EEF2KMT: variants seen among roughly 807,000 people sequenced by gnomAD.
The protein encoded by EEF2KMT is eukaryotic elongation factor 2 lysine methyltransferase.
Under a neutral mutation model 35.1 loss-of-function variants are expected in EEF2KMT, and 30 were observed. The observed-to-expected ratio is 0.85, with a 90% CI of 0.64 to 1.16. The LOEUF (loss-of-function observed/expected upper bound fraction) is 1.16, where lower values mean the gene tolerates loss of function less well. EEF2KMT is among the 50% of genes most tolerant of loss of function. The pLI, the probability that EEF2KMT is intolerant of heterozygous loss-of-function variation, is 0.00. For missense variants in EEF2KMT, 499 were observed against 438.2 expected, an observed-to-expected ratio of 1.14 and a Z score of -1.24; for synonymous variants, 190 against 187.7, an observed-to-expected ratio of 1.01 and a Z score of -0.10.
Position 5,090,629 on chromosome 16 carries a change from G to T in EEF2KMT, c.343-64C>A. On this transcript the variant is annotated intron_variant, in intron 4 of 7. Coordinates refer to ENST00000427587, the MANE Select transcript of EEF2KMT (RefSeq NM_201400.4). The surrounding 1 kb of genome is among the most constrained non-coding windows in gnomAD (Gnocchi z 4.1). ...AGAAGGCAAGTGGCTTAGAAGACAAGTAGCCCCACCACATGGCTGAATAAA... is the reference window on the plus strand; with the variant it reads ...AGAAGGCAAGTGGCTTAGAAGACAATTAGCCCCACCACATGGCTGAATAAA... 1.2e-6 allele frequency: 2 copies of T among 1,602,636 alleles called. No homozygotes were observed. The highest frequency in any genetic ancestry group is 1.7e-6 in the Non-Finnish European group (2 of 1,172,412).
At chr16:5,093,071 T>G (rs1197566879) in intron 3 of EEF2KMT, among the ~76,000 whole-genome samples, 1 of 152,164 alleles carries the variant, frequency 6.6e-6, no homozygotes, top group South Asian at 2.1e-4. Flanking sequence ...GTTCCGAAGG[T>G]ATGGCAAGAG....
intron 3 of EEF2KMT, among the ~76,000 whole-genome samples, chr16:5,092,519 G>A (rs538747951): frequency 6.6e-6 from 1 of 152,366 alleles, no homozygotes; most frequent in Admixed American, 6.5e-5. Flanking sequence ...TGCTTCTGGG[G>A]AGGACTAGGG....
intron 4 of EEF2KMT, 133 bp downstream of exon 4, chr16:5,091,661 G>A (rs1266804730): frequency 1.4e-5 from 20 of 1,449,034 alleles, no homozygotes; most frequent in Non-Finnish European, 1.8e-5. Context: ...TGAGGCTAAA[G>A]AAGGTTGACG....
At chr16:5,086,316 C>G (rs1392269670) in intron 7 of EEF2KMT, among the ~76,000 whole-genome samples, 2 of 127,508 alleles carry the variant, frequency 1.6e-5, no homozygotes, top group Admixed American at 1.8e-4. Flanking sequence ...GCCTGAGTGA[C>G]AGGGTGAGAC....
rs778726124 is a variant in EEF2KMT at position 5,097,766 on chromosome 16, G to A, written c.-27C>T. On this transcript the variant is annotated 5_prime_UTR_variant, in exon 1 of 8. Transcript: ENST00000427587. ...ACGTGGGCGGGGCCGCAGCGTTGCC[G>A]GCAGACCGGGCGGAAGCCCGGCCTG... 3.2e-6 allele frequency: 5 copies of A among 1,539,284 alleles called. No individual in the cohort carries two copies. The highest frequency in any genetic ancestry group is 3.9e-5 in the Admixed American group (2 of 51,324).
chr16:5,086,569 G>A (rs1957181426), intron 7 of EEF2KMT: 1 of 151,416 alleles, frequency 6.6e-6, no homozygotes. Flanking sequence ...CACTTCCTGA[G>A]TAGCTGGGAT....
intron 4 of EEF2KMT, 145 bp downstream of exon 4, chr16:5,091,649 A>G (rs1488679453): frequency 1.4e-6 from 2 of 1,402,256 alleles, no homozygotes; most frequent in East Asian, 2.5e-5. Context: ...AGACAGGGAA[A>G]CTGAGGCTAA....
chr16:5,096,889 C>T (rs556995567), intron 1 of EEF2KMT, among the ~76,000 whole-genome samples: 22 of 152,308 alleles, frequency 1.4e-4, no homozygotes, highest in African/African-American at 5.1e-4. Context: ...TTCTCTTGAC[C>T]AGAAATGATC....
Position 5,085,091 on chromosome 16 carries a change from C to T in EEF2KMT, c.*541G>A. ...CTTCTCTGGAGGCTTGGAAACGCTT[C>T]CTCTCTTCTTCTGTTCTTCACGCCC... is the stretch of plus-strand genomic sequence containing the variant. On this transcript the variant is annotated 3_prime_UTR_variant, in exon 8 of 8. Coordinates refer to ENST00000427587, the MANE Select transcript of EEF2KMT (RefSeq NM_201400.4). The T allele has an allele frequency of 1.2e-6, 1 of 859,690 alleles. No individual in the cohort carries two copies. The highest frequency in any genetic ancestry group is 1.8e-6 in the Non-Finnish European group (1 of 562,198). 53.3% of individuals were successfully genotyped at this position (859,690 alleles called of 1,614,324 possible).
intron 7 of EEF2KMT, among the ~76,000 whole-genome samples, chr16:5,085,986 C>A (rs947406796): frequency 9.9e-5 from 15 of 152,190 alleles, no homozygotes; most frequent in Non-Finnish European, 2.1e-4. Context: ...TCTGCCCCAG[C>A]ACTTGGCACA....
rs150027967 is a variant in EEF2KMT, at chr16:5,090,561, G to T, written c.347C>A (p.Ser116Ter). ...CTCGGAGAGTGTGACCGAGCCTCCC[G>T]AGGGCTGCACCAAGAGAAGGCGAGA... Reference protein sequence around the residue: ...TQGHRSYLLPSGGSVTLSEST... With the variant: ...TQGHRSYLLP Residue 116 changes from serine (S) to a stop codon, truncating the protein, a stop_gained, in exon 5 of 8, where the codon TCG becomes TAG. Transcript: ENST00000427587. LOFTEE classifies it high-confidence loss of function. This position sits in a 1 kb window ranked among gnomAD's most constrained non-coding sequence, Gnocchi z 4.1. 15 of 1,611,372 alleles carry T rather than the reference G, an allele frequency of 9.3e-6. No homozygotes were observed. In the African/African-American group the frequency reaches 2.0e-4, roughly 22 times the overall value.
intron 1 of EEF2KMT, chr16:5,097,252 G>C (rs1957490623): frequency 7.7e-7 from 1 of 1,298,194 alleles, no homozygotes. Flanking sequence ...CTGTGACCCG[G>C]TCACCGCGCT....
Position 5,097,757 on chromosome 16 carries a change from A to C in EEF2KMT, c.-18T>G. 1 of 1,545,046 alleles carries C rather than the reference A, an allele frequency of 6.5e-7. No individual in the cohort carries two copies. Among genetic ancestry groups the C allele is most frequent in the Non-Finnish European group, 8.7e-7 (1 of 1,151,320 alleles). On this transcript the variant is annotated 5_prime_UTR_variant, in exon 1 of 8. Coordinates refer to ENST00000427587, the MANE Select transcript of EEF2KMT (RefSeq NM_201400.4). ...GGCGCCATGACGTGGGCGGGGCCGC[A>C]GCGTTGCCGGCAGACCGGGCGGAAG...
chr16:5,086,923 C>G (rs1015376636), intron 7 of EEF2KMT: 1 of 152,190 alleles, frequency 6.6e-6, no homozygotes, highest in Non-Finnish European at 1.5e-5. Flanking sequence ...CCTCAGCCTC[C>G]CAAAGCCTCA....
In EEF2KMT at chr16:5,097,640, C is replaced by T. The variant is rs1203050233; in HGVS notation, c.96+4G>A. The T allele has an allele frequency of 6.4e-7, 1 of 1,560,778 alleles. No homozygotes were observed. Among genetic ancestry groups the T allele is most frequent in the Non-Finnish European group, 8.6e-7 (1 of 1,159,920 alleles). On this transcript the variant is annotated splice_donor_region_variant and intron_variant, in intron 1 of 7. Transcript: ENST00000427587. Reference sequence around the variant, plus strand: ...CGGGCCTCTCCGCTCGCCCCGCCGCCCACCTGCCAGGGGAAGGAGCGCAGT... The same window carrying T: ...CGGGCCTCTCCGCTCGCCCCGCCGCTCACCTGCCAGGGGAAGGAGCGCAGT...
Position 5,085,453 on chromosome 16 carries a change from G to A in EEF2KMT, c.*179C>T. 2 of 614,560 alleles carry A rather than the reference G, an allele frequency of 3.3e-6. No homozygotes were observed. The highest frequency in any genetic ancestry group is 1.9e-5 in the South Asian group (1 of 52,040). The allele number at this position is 614,560 out of a possible 1,614,324, so 38.1% of individuals were successfully genotyped here. On this transcript the variant is annotated 3_prime_UTR_variant, in exon 8 of 8. Coordinates refer to ENST00000427587, the MANE Select transcript of EEF2KMT (RefSeq NM_201400.4). ...AACCAGAACTGCTGGCAGAAAGGGGGCACCCACACGCTTAGATAGCCGATG... is the reference window on the plus strand; with the variant it reads ...AACCAGAACTGCTGGCAGAAAGGGGACACCCACACGCTTAGATAGCCGATG...
rs563205250 is a variant in EEF2KMT at position 5,090,805 on chromosome 16, C to T, written c.343-240G>A. Among the ~76,000 whole-genome samples the T allele has an allele frequency of 8.1e-4, 124 of 152,218 alleles. 2 individuals are homozygous for T. Among genetic ancestry groups the T allele is most frequent in the Admixed American group, 7.0e-3 (107 of 15,282 alleles). ...CATTCATCGAACCTTCCTGAGACAA[C>T]GGAATTCTGGCGATGGAACACATGT... On this transcript the variant is annotated intron_variant, in intron 4 of 7. Transcript: ENST00000427587. The surrounding 1 kb of genome is among the most constrained non-coding windows in gnomAD (Gnocchi z 4.1).
intron 7 of EEF2KMT, among the ~76,000 whole-genome samples, 162 bp from the exon 8 acceptor site, chr16:5,085,894 C>T (rs973695538): frequency 1.3e-5 from 2 of 152,198 alleles, no homozygotes; most frequent in African/African-American, 4.8e-5. Flanking sequence ...TAGAATTGGC[C>T]TCCAGGATGG....
chr16:5,095,345 C>G, intron 2 of EEF2KMT, 107 bp downstream of exon 2: 1 of 1,563,404 alleles, frequency 6.4e-7, no homozygotes, highest in Non-Finnish European at 8.8e-7. Flanking sequence ...GTTTTTTGAA[C>G]AGGGGTGTTT....
Sources: allele counts gnomAD v4.1 joint callset (sites outside exome capture counted in the v4.1 genomes callset), GRCh38; gene constraint gnomAD v4.1.1; non-coding constraint Gnocchi (gnomAD v3.1); transcripts MANE v1.5; gene names NCBI Gene and HGNC (gene_info 2026-07-23, HGNC 2026-07-21).